TMOD4: variants seen among roughly 807,000 people sequenced by gnomAD.
The protein encoded by TMOD4 is tropomodulin 4.
Under a neutral mutation model 45.4 loss-of-function variants are expected in TMOD4, and 34 were observed. That is an observed-to-expected ratio of 0.75 (90% CI 0.57 to 1.00). The LOEUF is 1.00. Ranked by LOEUF, TMOD4 falls within the 50% of genes least tolerant of loss-of-function variation. TMOD4 has a pLI of 0.00. For synonymous variants in TMOD4, 131 were observed against 153.9 expected, an observed-to-expected ratio of 0.85 and a Z score of 1.10; for missense variants, 399 against 437.5, an observed-to-expected ratio of 0.91 and a Z score of 0.78.
At chr1:151,170,220 C>T (rs1683903517) in intron 9 of TMOD4, 117 bp from the exon 10 acceptor site, 1 of 1,144,860 alleles carries the variant, frequency 8.7e-7, no homozygotes, top group Non-Finnish European at 1.3e-6. Context: ...TCTTAGGCCA[C>T]CTTACAGGCC....
rs760600438 is a variant in TMOD4, at chr1:151,170,674, G to A, written c.871-11C>T. Reference sequence around the variant, plus strand: ...ACCAGGCCACTGGCGCTGGGGGAGGGAGAGGCAAAAGCTGACAGTCACCCT... The same window carrying A: ...ACCAGGCCACTGGCGCTGGGGGAGGAAGAGGCAAAAGCTGACAGTCACCCT... On this transcript the variant is annotated splice_polypyrimidine_tract_variant and intron_variant, in intron 8 of 9. Transcript: ENST00000295314. 6.2e-6 allele frequency: 10 copies of A among 1,613,750 alleles called. No homozygotes were observed. The highest frequency in any genetic ancestry group is 8.5e-6 in the Non-Finnish European group (10 of 1,179,886).
At chr1:151,175,045 G>A in intron 1 of TMOD4, 128 bp from the exon 2 acceptor site, 1 of 723,566 alleles carries the variant, frequency 1.4e-6, no homozygotes, top group Non-Finnish European at 2.2e-6. Context: ...TCTAGTTGAG[G>A]ATGGGAAGTG....
chr1:151,170,444 G>A, intron 9 of TMOD4, 75 bp downstream of exon 9: 2 of 1,590,284 alleles, frequency 1.3e-6, no homozygotes, highest in Admixed American at 3.4e-5. Context: ...TTAGTCATTA[G>A]GTCTGCTTTC....
chr1:151,172,148 T>C, intron 5 of TMOD4, 120 bp downstream of exon 5: 1 of 841,784 alleles, frequency 1.2e-6, no homozygotes, highest in South Asian at 1.6e-5. Flanking sequence ...ACAGGTTTTC[T>C]TATCACTCAT....
intron 3 of TMOD4, 106 bp downstream of exon 3, chr1:151,174,283 CCT>C: frequency 8.0e-7 from 1 of 1,249,428 alleles, no homozygotes; most frequent in Non-Finnish European, 1.1e-6. Flanking sequence ...CATCTGAGTC[CCT>C]AGGCAACTAG....
chr1:151,173,219 C>A (rs1201411032), intron 4 of TMOD4, among the ~76,000 whole-genome samples: 1 of 152,132 alleles, frequency 6.6e-6, no homozygotes, highest in African/African-American at 2.4e-5. Flanking sequence ...CAAGTGCACT[C>A]AGGCCTCCCA....
rs1015571780 is a variant in TMOD4, at chr1:151,171,846, T to C, written c.488-83A>G. 2.9e-5 allele frequency: 43 copies of C among 1,500,156 alleles called. No individual in the cohort carries two copies. In the East Asian group the frequency reaches 9.9e-4, roughly 34 times the overall value. 92.9% of individuals were successfully genotyped at this position (1,500,156 alleles called of 1,614,324 possible). ...TGGTTTTCTTTTCTTTTCTTTTTTTTTTTTTTTGAGATGGAGTCTCGCTCT... is the reference window on the plus strand; with the variant it reads ...TGGTTTTCTTTTCTTTTCTTTTTTTCTTTTTTTGAGATGGAGTCTCGCTCT... On this transcript the variant is annotated intron_variant, in intron 5 of 9. Transcript: ENST00000295314.
intron 3 of TMOD4, 95 bp downstream of exon 3, chr1:151,174,296 G>C (rs1207842922): frequency 5.1e-6 from 7 of 1,385,078 alleles, no homozygotes; most frequent in Admixed American, 2.0e-5. Flanking sequence ...AGGCAACTAG[G>C]AGCTGGAAGG....
At chr1:151,173,350 A>G in intron 4 of TMOD4, 149 bp downstream of exon 4, 1 of 656,474 alleles carries the variant, frequency 1.5e-6, no homozygotes, top group Non-Finnish European at 2.7e-6. Context: ...GAATAAATAT[A>G]TAAACAAACA....
chr1:151,172,656 G>A (rs975209381), intron 4 of TMOD4, among the ~76,000 whole-genome samples: 5 of 151,960 alleles, frequency 3.3e-5, no homozygotes, highest in African/African-American at 4.8e-5. Flanking sequence ...CCCCCGAGAC[G>A]GAGTCTCACT....
chr1:151,174,274 A>G lies in TMOD4; in HGVS notation c.280+117T>C, dbSNP rs1171400832. On this transcript the variant is annotated intron_variant, in intron 3 of 9. Transcript: ENST00000295314. ...CAAGCTCGCATTTAAGTGTCAGGGC[A>G]TCTGAGTCCCTAGGCAACTAGGAGC... 4 of 1,107,488 alleles carry G rather than the reference A, an allele frequency of 3.6e-6. No homozygotes were observed. In the Admixed American group the frequency reaches 6.5e-5, roughly 18 times the overall value. 68.6% of individuals were successfully genotyped at this position (1,107,488 alleles called of 1,614,324 possible).
At position 151,174,528 on chromosome 1, in the gene TMOD4, C is replaced by T. The variant is rs1475433872; in HGVS notation, c.143G>A (p.Gly48Glu). ...CTTTGTCTGGTCACGTTGTCTTAGTCCAGCTGGCAGGAGCATGTTCTTAGG... is the reference window on the plus strand; with the variant it reads ...CTTTGTCTGGTCACGTTGTCTTAGTTCAGCTGGCAGGAGCATGTTCTTAGG... Reference protein sequence around the residue: ...MDPENMLLPAGLRQRDQTKKS... With the variant: ...MDPENMLLPAELRQRDQTKKS... The change falls in exon 3 of 10, where the codon GGA (glycine) becomes GAA (glutamate). Residue 48 changes from glycine (G) to glutamate (E), a missense_variant. Physicochemically the swap from Gly to Glu is moderately conservative, Grantham distance 98. Transcript: ENST00000295314. 6.2e-7 allele frequency: 1 copy of T among 1,614,058 alleles called. No homozygotes were observed. Among genetic ancestry groups the T allele is most frequent in the Admixed American group, 1.7e-5 (1 of 60,014 alleles).
At position 151,173,070 on chromosome 1, in the gene TMOD4, C is replaced by T. The variant is rs587714951; in HGVS notation, c.397+429G>A. ...TCTCCTGACCTCGTGATCCACCCGC[C>T]TCGGCCTCCCAAAGTGTTGGGATTA... On this transcript the variant is annotated intron_variant, in intron 4 of 9. Coordinates refer to ENST00000295314, the MANE Select transcript of TMOD4 (RefSeq NM_013353.3). Among the ~76,000 whole-genome samples the T allele has an allele frequency of 6.6e-5, 10 of 152,274 alleles. No homozygotes were observed. In the East Asian group the frequency reaches 1.9e-3, roughly 29 times the overall value.
chr1:151,173,078 C>T (rs1177505404), intron 4 of TMOD4, among the ~76,000 whole-genome samples: 1 of 152,142 alleles, frequency 6.6e-6, no homozygotes, highest in African/African-American at 2.4e-5. Context: ...GCCTCGGCCT[C>T]CCAAAGTGTT....
chr1:151,174,025 C>T (rs1022177878), intron 3 of TMOD4, among the ~76,000 whole-genome samples: 1 of 152,072 alleles, frequency 6.6e-6, no homozygotes, highest in African/African-American at 2.4e-5. Flanking sequence ...ACCATCCTGG[C>T]TAACACAGTG....
Position 151,173,428 on chromosome 1 carries a change from C to A in TMOD4, c.397+71G>T, listed in dbSNP as rs959400433. The A allele has an allele frequency of 5.2e-6, 6 of 1,160,934 alleles. No individual in the cohort carries two copies. The African/African-American group carries it at 9.1e-5, about 18-fold the overall frequency. 71.9% of individuals were successfully genotyped at this position (1,160,934 alleles called of 1,614,324 possible). ...ACATTCTGGTTGAGGGCCTTCCTCA[C>A]TAGTCCCATGTCATGGCTAGAATCC... is the stretch of plus-strand genomic sequence containing the variant. On this transcript the variant is annotated intron_variant, in intron 4 of 9. Coordinates refer to ENST00000295314, the MANE Select transcript of TMOD4 (RefSeq NM_013353.3).
intron 7 of TMOD4, 39 bp downstream of exon 7, chr1:151,171,394 A>G (rs1485554850): frequency 6.4e-7 from 1 of 1,555,272 alleles, no homozygotes. Context: ...GGTGCATGTA[A>G]GATGTGGGGA....
intron 7 of TMOD4, 102 bp from the exon 8 acceptor site, chr1:151,171,165 T>G: frequency 7.6e-7 from 1 of 1,324,066 alleles, no homozygotes; most frequent in Non-Finnish European, 1.1e-6. Flanking sequence ...TTGAGAAGAG[T>G]CTTTCAGGTG....
At position 151,170,022 on chromosome 1, in the gene TMOD4, C is replaced by G; in HGVS notation, c.*59G>C. Reference sequence around the variant, plus strand: ...GGCTTTTATTTACAGGAAAGGAGGACAGATGAGGATTTAAGTGTCCAGTGC... The same window carrying G: ...GGCTTTTATTTACAGGAAAGGAGGAGAGATGAGGATTTAAGTGTCCAGTGC... On this transcript the variant is annotated 3_prime_UTR_variant, in exon 10 of 10. Transcript: ENST00000295314. 3 of 1,595,300 alleles carry G rather than the reference C, an allele frequency of 1.9e-6. No homozygotes were observed. The highest frequency in any genetic ancestry group is 2.6e-6 in the Non-Finnish European group (3 of 1,163,174).
Sources: gnomAD v4.1 joint callset for allele counts (sites outside exome capture counted in the v4.1 genomes callset) on GRCh38, gnomAD v4.1.1 for gene constraint, MANE v1.5 for transcripts, NCBI Gene and HGNC (gene_info 2026-07-23, HGNC 2026-07-21) for gene names.